Variants in TXNDC9 observed in about 807,000 individuals in gnomAD.
TXNDC9 encodes the protein thioredoxin domain containing 9, also known as thioredoxin domain-containing protein 9.
In TXNDC9, 7 loss-of-function variants were observed where a neutral mutation model predicts 23.0. The ratio of observed to expected loss-of-function variants is 0.30; its 90% CI spans 0.17 to 0.57. TXNDC9 has a LOEUF of 0.57. Among genes scored for constraint, TXNDC9 ranks in the 20% least tolerant of loss-of-function variants. TXNDC9 has a pLI of 0.90. For synonymous variants in TXNDC9, 72 were observed against 90.6 expected (o/e 0.79, Z 1.17); for missense variants, 198 against 252.6 (o/e 0.78, Z 1.47).
At chr2:99,308,805 G>A in the TXNDC9 span, among the ~76,000 whole-genome samples, 1 of 151,764 alleles carries the variant, frequency 6.6e-6, no homozygotes, top group African/African-American at 2.4e-5. Context: ...TCCGCCTCCC[G>A]GGTTCATGCC....
intron 2 of TXNDC9, among the ~76,000 whole-genome samples, chr2:99,330,243 T>C (rs1021890044): frequency 4.0e-5 from 5 of 123,994 alleles, no homozygotes; most frequent in Admixed American, 2.2e-4. Context: ...TGAGCCGAGA[T>C]TGTGCCACTG....
intron 4 of TXNDC9, 107 bp downstream of exon 4, chr2:99,321,848 C>G (rs990651176): frequency 4.7e-6 from 6 of 1,269,958 alleles, no homozygotes; most frequent in Non-Finnish European, 6.3e-6. Context: ...CACATCTCAG[C>G]CAAAATGCCT....
At chr2:99,314,720 G>A (rs931202313), downstream of TXNDC9, among the ~76,000 whole-genome samples, 1 of 150,300 alleles carries the variant, frequency 6.7e-6, no homozygotes, top group Non-Finnish European at 1.5e-5. Flanking sequence ...TAGTAGAGAC[G>A]GGGTTTCACC....
At chr2:99,322,398 A>C in intron 3 of TXNDC9, 189 bp from the exon 4 acceptor site, 17 of 1,211,978 alleles carry the variant, frequency 1.4e-5, no homozygotes, top group Non-Finnish European at 1.7e-5. Flanking sequence ...ACGAGATGGG[A>C]AAACAGCCTA....
chr2:99,308,066 A>G, the TXNDC9 span, among the ~76,000 whole-genome samples: 11 of 152,226 alleles, frequency 7.2e-5, no homozygotes, highest in Non-Finnish European at 1.6e-4. Context: ...AGAGGGGCCA[A>G]GTCTCTCTGA....
chr2:99,326,335 C>T (rs374062301), intron 3 of TXNDC9, among the ~76,000 whole-genome samples: 13 of 152,254 alleles, frequency 8.5e-5, no homozygotes, highest in East Asian at 1.9e-4. Context: ...GAGATCAAGA[C>T]AAAGGGGCAA....
chr2:99,320,712 C>T (rs967068565), intron 4 of TXNDC9, among the ~76,000 whole-genome samples: 3 of 152,060 alleles, frequency 2.0e-5, no homozygotes, highest in Non-Finnish European at 2.9e-5. Flanking sequence ...TGTTCTTGTT[C>T]TTAGAAAATA....
intron 4 of TXNDC9, chr2:99,321,021 G>T (rs893431317): frequency 6.6e-6 from 1 of 152,040 alleles, no homozygotes; most frequent in East Asian, 1.9e-4. Context: ...AATCTTCTGA[G>T]ATTACACAAG....
chr2:99,332,950 C>T (rs751572263), intron 2 of TXNDC9, 72 bp downstream of exon 2: 5 of 1,203,228 alleles, frequency 4.2e-6, no homozygotes, highest in South Asian at 2.6e-5. Flanking sequence ...GTAACTACTA[C>T]AGCACATGTA....
intron 3 of TXNDC9, among the ~76,000 whole-genome samples, chr2:99,326,054 A>G (rs1219490599): frequency 6.6e-6 from 1 of 151,918 alleles, no homozygotes; most frequent in East Asian, 1.9e-4. Flanking sequence ...TGGACAAATA[A>G]TATTTTACAT....
At chr2:99,322,636 C>G in intron 3 of TXNDC9, 2 of 1,544,564 alleles carry the variant, frequency 1.3e-6, no homozygotes, top group Non-Finnish European at 1.7e-6. Flanking sequence ...CGAGGAAAAA[C>G]TTCTTACTCC....
chr2:99,309,986 C>T, the TXNDC9 span, among the ~76,000 whole-genome samples: 6 of 152,192 alleles, frequency 3.9e-5, no homozygotes, highest in South Asian at 1.2e-3. Context: ...CACCCAGCCT[C>T]CTCGGGCAAA....
At chr2:99,312,437 C>T in the TXNDC9 span, among the ~76,000 whole-genome samples, 2 of 147,778 alleles carry the variant, frequency 1.4e-5, no homozygotes, top group Non-Finnish European at 3.0e-5. Context: ...GTGGAGGTTG[C>T]AGTGAGCCAA....
chr2:99,322,256 G>A (rs370257044), intron 3 of TXNDC9, 47 bp from the exon 4 acceptor site: 23 of 1,561,406 alleles, frequency 1.5e-5, no homozygotes, highest in South Asian at 9.6e-5. Flanking sequence ...ACCACAGATC[G>A]CTTTTTTCAA....
chr2:99,307,073 TCCTC>T, the TXNDC9 span, among the ~76,000 whole-genome samples: 1 of 135,336 alleles, frequency 7.4e-6, no homozygotes, highest in African/African-American at 2.6e-5. Flanking sequence ...CCTCTTCCCT[TCCTC>T]CCTTCCCCTT....
chr2:99,307,013 C>CCCTT, the TXNDC9 span, among the ~76,000 whole-genome samples: 1 of 75,260 alleles, frequency 1.3e-5, no homozygotes, highest in African/African-American at 4.4e-5. Context: ...TTCCCTCCCT[C>CCCTT]CCTTCCTTCC....
At chr2:99,306,768 C>G in the TXNDC9 span, 1 of 455,212 alleles carries the variant, frequency 2.2e-6, no homozygotes, top group African/African-American at 2.0e-5. Context: ...CAGCAACCTA[C>G]GGCCCTAGGG....
chr2:99,332,496 C>A (rs1421321972), intron 2 of TXNDC9, among the ~76,000 whole-genome samples: 1 of 152,186 alleles, frequency 6.6e-6, no homozygotes, highest in Non-Finnish European at 1.5e-5. Flanking sequence ...TGGTTTCAGT[C>A]AGAGTTTACA....
At chr2:99,323,155 T>C (rs538908461) in intron 3 of TXNDC9, among the ~76,000 whole-genome samples, 48 of 152,020 alleles carry the variant, frequency 3.2e-4, no homozygotes, top group Admixed American at 5.2e-4. Flanking sequence ...ATCTGTAATC[T>C]TGGCACTTTG....
Sources: allele counts gnomAD v4.1 joint callset (sites outside exome capture counted in the v4.1 genomes callset), GRCh38; gene constraint gnomAD v4.1.1; transcripts MANE v1.5; gene names NCBI Gene and HGNC (gene_info 2026-07-23, HGNC 2026-07-21).